The following MMS22L variants were observed in gnomAD, a reference collection of about 807,000 sequenced individuals.
The protein encoded by MMS22L is MMS22 like, DNA repair protein, also known as protein MMS22-like.
MMS22L carries 74 observed loss-of-function variants against 159.1 expected under a neutral mutation model. The observed-to-expected ratio is 0.47, with a 90% confidence interval of 0.39 to 0.56. The LOEUF (loss-of-function observed/expected upper bound fraction) is 0.56. Among genes scored for constraint, MMS22L ranks in the 20% least tolerant of loss-of-function variants. MMS22L has a pLI of 0.00. For missense variants in MMS22L, 1,351 were observed against 1,422.1 expected, an observed-to-expected ratio of 0.95 and a Z score of 0.80; for synonymous variants, 517 against 506.9, an observed-to-expected ratio of 1.02 and a Z score of -0.27.
intron 22 of MMS22L, among the ~76,000 whole-genome samples, 197 bp from the exon 23 acceptor site, chr6:97,152,064 TA>T (rs1350347052): frequency 6.6e-6 from 1 of 152,200 alleles, no homozygotes; most frequent in South Asian, 2.1e-4. Flanking sequence ...TAAGAAAATA[TA>T]AAAGTTTAAA....
Position 97,143,460 on chromosome 6 carries a change from A to C in MMS22L, c.*3346T>G, listed in dbSNP as rs1188971250. 6.6e-6 allele frequency: 1 copy of C among 152,236 alleles called. No individual in the cohort carries two copies. The highest frequency in any genetic ancestry group is 2.4e-5 in the African/African-American group (1 of 41,462). 9.4% of individuals were successfully genotyped at this position (152,236 alleles called of 1,614,324 possible). ...ATCACCTTATAAACAATGGTAAGTT[A>C]CTGGAAGTCCTCGAGCAGAAAAGTA... On this transcript the variant is annotated 3_prime_UTR_variant, in exon 25 of 25. Transcript: ENST00000683635.
At chr6:97,226,820 C>T (rs1014209048) in intron 14 of MMS22L, among the ~76,000 whole-genome samples, 7 of 151,890 alleles carry the variant, frequency 4.6e-5, no homozygotes, top group Admixed American at 2.0e-4. Flanking sequence ...TGAAGATGGG[C>T]GACATAATTC....
chr6:97,279,087 C>A (rs931388982), intron 3 of MMS22L, among the ~76,000 whole-genome samples, 189 bp from the exon 4 acceptor site: 1 of 152,182 alleles, frequency 6.6e-6, no homozygotes, highest in African/African-American at 2.4e-5. Context: ...AGATAAAATA[C>A]ATCTTTGCCT....
At chr6:97,174,501 T>C (rs1014742769) in intron 18 of MMS22L, among the ~76,000 whole-genome samples, 1 of 151,948 alleles carries the variant, frequency 6.6e-6, no homozygotes, top group Non-Finnish European at 1.5e-5. Flanking sequence ...AGATTCAAGA[T>C]TGTGAGAATG....
intron 21 of MMS22L, among the ~76,000 whole-genome samples, chr6:97,163,021 G>A (rs1802606748): frequency 1.3e-5 from 2 of 151,806 alleles, no homozygotes; most frequent in East Asian, 3.9e-4. Context: ...TAAACATAAG[G>A]ACAGGAACTA....
At chr6:97,240,502 T>C (rs1045445056) in intron 11 of MMS22L, among the ~76,000 whole-genome samples, 4 of 152,184 alleles carry the variant, frequency 2.6e-5, no homozygotes, top group East Asian at 1.9e-4. Context: ...CCTACTTTTT[T>C]CCCCACAACC....
At chr6:97,170,271 T>C (rs1803394664) in intron 19 of MMS22L, among the ~76,000 whole-genome samples, 1 of 152,170 alleles carries the variant, frequency 6.6e-6, no homozygotes, top group Non-Finnish European at 1.5e-5. Context: ...TTGAAGACTG[T>C]AAGCTTTAGG....
intron 14 of MMS22L, among the ~76,000 whole-genome samples, chr6:97,227,997 C>T (rs981810572): frequency 2.0e-5 from 3 of 152,166 alleles, no homozygotes; most frequent in African/African-American, 7.2e-5. Context: ...ATAGAATTAT[C>T]TATGTTAATT....
At chr6:97,253,516 AG>A (rs1813461128) in intron 10 of MMS22L, 1 of 143,266 alleles carries the variant, frequency 7.0e-6, no homozygotes, top group Non-Finnish European at 1.5e-5. Flanking sequence ...TCTGGAGTGC[AG>A]TGGTGTGATC....
At chr6:97,155,488 G>A (rs545203104) in intron 22 of MMS22L, among the ~76,000 whole-genome samples, 12 of 151,888 alleles carry the variant, frequency 7.9e-5, no homozygotes, top group South Asian at 6.3e-4. Context: ...GACAGGCCCC[G>A]GTGTGTGATG....
chr6:97,182,070 G>A lies in MMS22L; in HGVS notation c.2234-16C>T, dbSNP rs1482401232. 2 of 1,597,790 alleles carry A rather than the reference G, an allele frequency of 1.3e-6. No individual in the cohort carries two copies. The highest frequency in any genetic ancestry group is 1.7e-6 in the Non-Finnish European group (2 of 1,173,664). ...AAAGTAAAGTCTAGATTCAAAATGA[G>A]AGAAACTTAAAGTCAGGAATCTTTA... On this transcript the variant is annotated splice_polypyrimidine_tract_variant and intron_variant, in intron 15 of 24. Coordinates refer to ENST00000683635, the MANE Select transcript of MMS22L (RefSeq NM_001350599.2).
intron 14 of MMS22L, among the ~76,000 whole-genome samples, chr6:97,224,853 C>T (rs1810051834): frequency 6.6e-6 from 1 of 151,536 alleles, no homozygotes; most frequent in Non-Finnish European, 1.5e-5. Flanking sequence ...TACCACTACA[C>T]AATATATGCA....
intron 16 of MMS22L, among the ~76,000 whole-genome samples, 167 bp downstream of exon 16, chr6:97,181,737 T>C (rs577189455): frequency 1.3e-5 from 2 of 152,252 alleles, no homozygotes; most frequent in African/African-American, 4.8e-5. Flanking sequence ...TTAGTGTTCT[T>C]ACTATTACTA....
Position 97,145,059 on chromosome 6 carries a change from CACACACAAAA to C in MMS22L, c.*1737_*1746del, listed in dbSNP as rs1263313966. On this transcript the variant is annotated 3_prime_UTR_variant, in exon 25 of 25. Coordinates refer to ENST00000683635, the MANE Select transcript of MMS22L (RefSeq NM_001350599.2). ...ACACACACACACACACACACACACA[CACACACAAAA>C]ACACATATACACATAAATAACCTCT... is the stretch of plus-strand genomic sequence containing the variant. 6.8e-6 allele frequency: 1 copy of C among 146,374 alleles called. No homozygotes were observed. Among genetic ancestry groups the C allele is most frequent in the African/African-American group, 2.6e-5 (1 of 37,818 alleles). 9.1% of individuals were successfully genotyped at this position (146,374 alleles called of 1,614,324 possible).
At chr6:97,205,129 G>C (rs1410008281) in intron 14 of MMS22L, among the ~76,000 whole-genome samples, 1 of 151,540 alleles carries the variant, frequency 6.6e-6, no homozygotes, top group Non-Finnish European at 1.5e-5. Flanking sequence ...ACTTTTAGTA[G>C]AGACGGGTTT....
chr6:97,193,870 C>T (rs1331219716), intron 14 of MMS22L, among the ~76,000 whole-genome samples: 2 of 152,140 alleles, frequency 1.3e-5, no homozygotes, highest in African/African-American at 4.8e-5. Flanking sequence ...ACACCATTCT[C>T]CTGCCTCAGC....
At chr6:97,186,743 C>T in intron 14 of MMS22L, 53 bp from the exon 15 acceptor site, 1 of 1,300,742 alleles carries the variant, frequency 7.7e-7, no homozygotes, top group Middle Eastern at 2.0e-4. Flanking sequence ...TTACAAAAAT[C>T]TTCTTAAAGT....
rs1414384046 is a variant in MMS22L, at chr6:97,267,977, A to G, written c.723T>C (p.Phe241=). Residue 241 remains phenylalanine (F), a synonymous_variant, in exon 8 of 25, where the codon TTT becomes TTC. Coordinates refer to ENST00000683635, the MANE Select transcript of MMS22L (RefSeq NM_001350599.2). ...TTAAATTGTCACTTGCCAGATTCAT[A>G]AACTGATGACCATATACAACTTGTT... ...KLKQVVYGHQ[F]MNLASDNLTN... The G allele has an allele frequency of 6.3e-7, 1 of 1,595,340 alleles. No individual in the cohort carries two copies. Among genetic ancestry groups the G allele is most frequent in the Non-Finnish European group, 8.5e-7 (1 of 1,171,762 alleles).
intron 14 of MMS22L, among the ~76,000 whole-genome samples, chr6:97,189,961 T>C (rs934257293): frequency 3.3e-5 from 5 of 152,184 alleles, no homozygotes; most frequent in Admixed American, 6.5e-5. Context: ...TGCACTGTAA[T>C]AGAAGTCTGA....
Sources: gnomAD v4.1 joint callset for allele counts (sites outside exome capture counted in the v4.1 genomes callset) on GRCh38, gnomAD v4.1.1 for gene constraint, MANE v1.5 for transcripts, NCBI Gene and HGNC (gene_info 2026-07-23, HGNC 2026-07-21) for gene names.